The following DCAF4 variants were observed in gnomAD, a reference collection of about 807,000 sequenced individuals.
DCAF4 encodes DDB1- and CUL4-associated factor 4.
In DCAF4, 37 loss-of-function variants were observed where a neutral mutation model predicts 60.9. That is an observed-to-expected ratio of 0.61 (90% CI 0.47 to 0.80). DCAF4 has a LOEUF of 0.80. Ranked by LOEUF, DCAF4 falls within the 30% of genes least tolerant of loss-of-function variation. The pLI is 0.00. For missense variants in DCAF4, 577 were observed against 650.0 expected (o/e 0.89, Z 1.22); for synonymous variants, 243 against 254.8 (o/e 0.95, Z 0.44).
At chr14:72,935,778 T>C (rs1280700933) in intron 1 of DCAF4, among the ~76,000 whole-genome samples, 1 of 152,244 alleles carries the variant, frequency 6.6e-6, no homozygotes, top group Non-Finnish European at 1.5e-5. Flanking sequence ...CTGTGGGTGA[T>C]CTGAAGTCTT....
intron 9 of DCAF4, among the ~76,000 whole-genome samples, chr14:72,953,783 TG>T (rs1489328239): frequency 0.015 from 30 of 2,014 alleles, 4 homozygotes; most frequent in Non-Finnish European, 0.053. Flanking sequence ...TTTATTTATT[TG>T]TGTGTGTGTG....
Position 72,947,157 on chromosome 14 carries a change from T to C in DCAF4, c.694T>C (p.Trp232Arg). Reference sequence around the variant, plus strand: ...TCCTCACCAGGTGAATTCGGTGTGCTGGGCCTCGCTGAATCACTTGGATTC... The same window carrying C: ...TCCTCACCAGGTGAATTCGGTGTGCCGGGCCTCGCTGAATCACTTGGATTC... Reference protein sequence around the residue: ...FTNRKVNSVCWASLNHLDSHI... With the variant: ...FTNRKVNSVCRASLNHLDSHI... The change falls in exon 8 of 14, where the codon TGG (tryptophan) becomes CGG (arginine). Residue 232 changes from tryptophan to arginine, a missense_variant. By Grantham distance (101) the Trp-to-Arg change is moderately radical (BLOSUM62 -3). Transcript: ENST00000358377. 6.2e-7 allele frequency: 1 copy of C among 1,614,164 alleles called. No individual in the cohort carries two copies. Among genetic ancestry groups the C allele is most frequent in the Non-Finnish European group, 8.5e-7 (1 of 1,180,018 alleles).
At position 72,947,259 on chromosome 14, in the gene DCAF4, G is replaced by A. The variant is rs1428899093; in HGVS notation, c.728+68G>A. The A allele has an allele frequency of 2.6e-6, 4 of 1,561,776 alleles. No homozygotes were observed. In the Admixed American group the frequency reaches 6.7e-5, roughly 26 times the overall value. On this transcript the variant is annotated intron_variant, in intron 8 of 13. Transcript: ENST00000358377. The stretch of plus-strand genomic sequence containing the variant: ...CCTGACGTTGGACCTGGGTATCTGT[G>A]GGCTTCATGACATGGCATCTTAGTG...
chr14:72,947,099 A>G, intron 7 of DCAF4, 43 bp from the exon 8 acceptor site: 3 of 1,610,560 alleles, frequency 1.9e-6, no homozygotes, highest in Admixed American at 1.7e-5. Flanking sequence ...AAAGCATATT[A>G]CTGTAGAATA....
At chr14:72,941,870 T>G in intron 5 of DCAF4, 46 bp downstream of exon 5, 3 of 1,587,556 alleles carry the variant, frequency 1.9e-6, no homozygotes, top group Non-Finnish European at 1.7e-6. Flanking sequence ...AATGTTCTTT[T>G]CCTGTTTCTT....
intron 7 of DCAF4, among the ~76,000 whole-genome samples, chr14:72,946,536 A>G (rs991677334): frequency 2.0e-5 from 3 of 152,226 alleles, no homozygotes; most frequent in Admixed American, 6.5e-5. Context: ...ACTGGTCCTC[A>G]GGACCGTCCC....
At chr14:72,957,242 GC>G (rs1436909884) in intron 13 of DCAF4, 1 of 152,286 alleles carries the variant, frequency 6.6e-6, no homozygotes, top group African/African-American at 2.4e-5. Context: ...AAGATTTGTG[GC>G]CCCTTTACTA....
chr14:72,928,909 C>T (rs925688253), intron 1 of DCAF4, among the ~76,000 whole-genome samples: 1 of 152,124 alleles, frequency 6.6e-6, no homozygotes, highest in Non-Finnish European at 1.5e-5. Flanking sequence ...TGGAGCCCCT[C>T]CCCCATTCTG....
At chr14:72,955,986 T>TG in intron 12 of DCAF4, among the ~76,000 whole-genome samples, 1 of 139,996 alleles carries the variant, frequency 7.1e-6, no homozygotes. Flanking sequence ...GCAGTGGTAC[T>TG]ATCTTGGCTT....
intron 11 of DCAF4, 55 bp downstream of exon 11, chr14:72,954,538 G>T: frequency 1.3e-6 from 2 of 1,572,830 alleles, no homozygotes; most frequent in Non-Finnish European, 1.7e-6. Context: ...TAGAAATTTG[G>T]CCAGATTGAA....
intron 8 of DCAF4, among the ~76,000 whole-genome samples, chr14:72,951,441 G>T (rs370871598): frequency 6.6e-6 from 1 of 151,992 alleles, no homozygotes; most frequent in Non-Finnish European, 1.5e-5. Flanking sequence ...GAGAAACCCC[G>T]TCTCTACTAA....
chr14:72,934,175 C>T (rs1259711431), intron 1 of DCAF4, among the ~76,000 whole-genome samples: 5 of 135,746 alleles, frequency 3.7e-5, no homozygotes, highest in African/African-American at 8.3e-5. Flanking sequence ...TTTTTTGAGA[C>T]GGAGTCTCGC....
chr14:72,955,565 G>C lies in DCAF4; in HGVS notation c.1048G>C (p.Ala350Pro). 1 of 1,614,122 alleles carries C rather than the reference G, an allele frequency of 6.2e-7. No homozygotes were observed. The highest frequency in any genetic ancestry group is 1.1e-5 in the South Asian group (1 of 91,080). ...FNGCRSGEIF[A>P]IDLRCGNQGK... ...TGGCTGCCGCTCTGGGGAAATCTTT[G>C]CCATTGATCTGCGTTGTGGAAATCA... The change falls in exon 12 of 14, where the codon GCC (alanine) becomes CCC (proline). Residue 350 changes from alanine to proline, a missense_variant. By Grantham distance (27) the Ala-to-Pro change is conservative. Coordinates refer to ENST00000358377, the MANE Select transcript of DCAF4 (RefSeq NM_015604.4).
intron 7 of DCAF4, among the ~76,000 whole-genome samples, chr14:72,946,803 A>G (rs1315096022): frequency 3.3e-5 from 5 of 152,248 alleles, no homozygotes; most frequent in African/African-American, 1.2e-4. Context: ...CAGTTGAAGC[A>G]TAAGCTGCAA....
At chr14:72,943,333 A>C (rs1335323531) in intron 6 of DCAF4, among the ~76,000 whole-genome samples, 1 of 152,190 alleles carries the variant, frequency 6.6e-6, no homozygotes, top group Non-Finnish European at 1.5e-5. Flanking sequence ...CCGTCGTTTA[A>C]CGTCAGAGTC....
At chr14:72,953,263 G>C (rs1891682604) in intron 9 of DCAF4, among the ~76,000 whole-genome samples, 1 of 151,920 alleles carries the variant, frequency 6.6e-6, no homozygotes, top group Non-Finnish European at 1.5e-5. Flanking sequence ...GCCTCCTAAA[G>C]TGCTGGGATT....
intron 9 of DCAF4, among the ~76,000 whole-genome samples, chr14:72,953,280 G>A (rs953474151): frequency 1.3e-5 from 2 of 152,180 alleles, no homozygotes; most frequent in South Asian, 2.1e-4. Context: ...GATTACAGGC[G>A]TGAGCCACCA....
chr14:72,944,239 G>C (rs536375470), intron 6 of DCAF4, among the ~76,000 whole-genome samples: 1 of 152,238 alleles, frequency 6.6e-6, no homozygotes, highest in African/African-American at 2.4e-5. Context: ...CTGGCTGGCC[G>C]GTGTGACCGC....
chr14:72,947,319 A>C, intron 8 of DCAF4, 128 bp downstream of exon 8: 216 of 1,080,758 alleles, frequency 2.0e-4, no homozygotes, highest in Non-Finnish European at 2.8e-4. Flanking sequence ...CTTACATCTC[A>C]CGCTTTAGAA....
Sources: allele counts gnomAD v4.1 joint callset (sites outside exome capture counted in the v4.1 genomes callset), GRCh38; gene constraint gnomAD v4.1.1; transcripts MANE v1.5; gene names NCBI Gene and HGNC (gene_info 2026-07-23, HGNC 2026-07-21).